Variants in MGAT5 observed in about 807,000 individuals in gnomAD.
The protein encoded by MGAT5 is alpha-1,6-mannosylglycoprotein 6-beta-N-acetylglucosaminyltransferase.
MGAT5 carries 30 observed loss-of-function variants against 94.3 expected under a neutral mutation model. That is an observed-to-expected ratio of 0.32 (90% CI 0.24 to 0.43). The LOEUF (loss-of-function observed/expected upper bound fraction) is 0.43, where lower values mean the gene tolerates loss of function less well. MGAT5 is among the 20% of genes least tolerant of loss of function. MGAT5 has a pLI of 1.00. For synonymous variants in MGAT5, 310 were observed against 322.9 expected (o/e 0.96, Z 0.43); for missense variants, 691 against 905.5 (o/e 0.76, Z 3.04).
At chr2:134,189,121 T>C (rs1220102304) in intron 1 of MGAT5, among the ~76,000 whole-genome samples, 1 of 152,184 alleles carries the variant, frequency 6.6e-6, no homozygotes, top group African/African-American at 2.4e-5. Flanking sequence ...CCAGTTTCTA[T>C]TGGGGTTTCG....
chr2:134,394,162 C>T (rs1254010757), intron 10 of MGAT5, among the ~76,000 whole-genome samples: 1 of 152,160 alleles, frequency 6.6e-6, no homozygotes, highest in Admixed American at 6.5e-5. Flanking sequence ...CCCATTGGAG[C>T]TGCCAAATGT....
At chr2:134,328,024 A>G (rs1445669015) in intron 4 of MGAT5, among the ~76,000 whole-genome samples, 4 of 152,096 alleles carry the variant, frequency 2.6e-5, no homozygotes, top group African/African-American at 2.4e-5. Context: ...GTTGCTATAG[A>G]AAGTATCTCT....
intron 1 of MGAT5, among the ~76,000 whole-genome samples, chr2:134,169,319 C>T (rs1271795933): frequency 6.6e-6 from 1 of 151,856 alleles, no homozygotes; most frequent in Non-Finnish European, 1.5e-5. Context: ...GCAGGAGGCT[C>T]ACTTGAGCTT....
intron 12 of MGAT5, among the ~76,000 whole-genome samples, chr2:134,418,668 A>G (rs1361051592): frequency 6.6e-6 from 1 of 152,202 alleles, no homozygotes; most frequent in African/African-American, 2.4e-5. Context: ...GTGAACTTGG[A>G]GTTGTGCTGG....
chr2:134,314,423 C>T (rs1686878928), intron 2 of MGAT5, among the ~76,000 whole-genome samples: 2 of 152,190 alleles, frequency 1.3e-5, no homozygotes. Flanking sequence ...GCCCAGGAGT[C>T]AGGCCCGTTG....
In MGAT5 at chr2:134,235,957, G is replaced by A. The variant is rs79910985; in HGVS notation, c.-142-18305G>A. Among the ~76,000 whole-genome samples the A allele has an allele frequency of 5.1e-3, 779 of 152,100 alleles. 25 individuals are homozygous for A. In the East Asian group the frequency reaches 0.11, roughly 22 times the overall value. On this transcript the variant is annotated intron_variant, in intron 1 of 16. Coordinates refer to the MGAT5 transcript ENST00000409645. ...TTGCTCCCCCTCCCCTTCCTACCAC[G>A]ATCACATTCTAGGCTGTGAGTGTCA...
chr2:134,256,602 T>A (rs1467791001), intron 1 of MGAT5, among the ~76,000 whole-genome samples: 1 of 152,204 alleles, frequency 6.6e-6, no homozygotes, highest in Non-Finnish European at 1.5e-5. Flanking sequence ...TGGTCTTAGC[T>A]TTTCAGCCTC....
At chr2:134,327,773 G>T (rs1374190756) in intron 4 of MGAT5, among the ~76,000 whole-genome samples, 2 of 152,134 alleles carry the variant, frequency 1.3e-5, no homozygotes, top group Non-Finnish European at 2.9e-5. Flanking sequence ...GGCTCAGATA[G>T]ACTGTTAGAA....
intron 10 of MGAT5, among the ~76,000 whole-genome samples, chr2:134,397,186 A>T (rs1323916762): frequency 1.3e-5 from 2 of 152,210 alleles, no homozygotes; most frequent in Non-Finnish European, 2.9e-5. Context: ...GAGTTTTGGA[A>T]CCTAGTGACA....
chr2:134,160,612 A>G (rs116215357), intron 1 of MGAT5, among the ~76,000 whole-genome samples: 3 of 152,224 alleles, frequency 2.0e-5, no homozygotes, highest in Non-Finnish European at 2.9e-5. Flanking sequence ...CCACCAGAAC[A>G]TGATGCTGGT....
In MGAT5 at chr2:134,254,513, G is replaced by A. The variant is rs548835362; in HGVS notation, c.110G>A (p.Arg37Gln). ...MMLLHFTIQQ[R>Q]TQPESSSMLR... is the part of the protein sequence containing the mutation. ...CTTCTGCACTTTACCATCCAGCAGC[G>A]AACTCAGCCTGAAAGCAGCTCCATG... The change falls in exon 1 of 16, where the codon CGA becomes CAA. Residue 37 changes from arginine (R) to glutamine (Q), a missense_variant. Physicochemically the swap from Arg to Gln is conservative, Grantham distance 43. Transcript: ENST00000281923. 6.2e-6 allele frequency: 10 copies of A among 1,614,160 alleles called. No individual in the cohort carries two copies. The highest frequency in any genetic ancestry group is 5.0e-5 in the Admixed American group (3 of 60,024).
chr2:134,268,070 A>G lies in MGAT5; in HGVS notation c.242-2316A>G, dbSNP rs1269013969. Among the ~76,000 whole-genome samples, 5 of 152,190 alleles carry G rather than the reference A, an allele frequency of 3.3e-5. No individual in the cohort carries two copies. The highest frequency in any genetic ancestry group is 7.3e-5 in the Non-Finnish European group (5 of 68,032). On this transcript the variant is annotated intron_variant, in intron 1 of 15. Transcript: ENST00000281923. The surrounding 1 kb of genome is among the most constrained non-coding windows in gnomAD (Gnocchi z 4.1). ...CCACACCTGGATAATTGCTGTTGTC[A>G]TTCAGGGAGTAGAGACCAGGGATGC...
chr2:134,279,386 A>T (rs1684563528), intron 2 of MGAT5, among the ~76,000 whole-genome samples: 1 of 152,036 alleles, frequency 6.6e-6, no homozygotes, highest in Non-Finnish European at 1.5e-5. Flanking sequence ...GCTAATTATA[A>T]ACCTGTAAGT....
intron 1 of MGAT5, among the ~76,000 whole-genome samples, chr2:134,160,852 C>T (rs745748147): frequency 1.2e-4 from 19 of 152,204 alleles, no homozygotes; most frequent in Non-Finnish European, 1.9e-4. Flanking sequence ...TGCAGTTCTT[C>T]GGAAGCATCT....
chr2:134,154,968 A>T (rs1011524240), intron 1 of MGAT5, among the ~76,000 whole-genome samples: 1 of 152,120 alleles, frequency 6.6e-6, no homozygotes, highest in African/African-American at 2.4e-5. Flanking sequence ...AGACTTTTTC[A>T]TCAATGCTAA....
intron 1 of MGAT5, among the ~76,000 whole-genome samples, chr2:134,232,435 G>T (rs182728260): frequency 1.5e-4 from 23 of 152,238 alleles, no homozygotes; most frequent in South Asian, 6.2e-4. Context: ...ATCCTATTCT[G>T]GACCCATTAG....
intron 1 of MGAT5, among the ~76,000 whole-genome samples, chr2:134,240,675 A>G (rs903882770): frequency 1.3e-5 from 2 of 152,348 alleles, no homozygotes; most frequent in East Asian, 1.9e-4. Context: ...GATTTTCCTC[A>G]TGCTATTTTC....
At chr2:134,120,640 G>C (rs1456591331) in intron 1 of MGAT5, among the ~76,000 whole-genome samples, 2 of 151,974 alleles carry the variant, frequency 1.3e-5, no homozygotes, top group South Asian at 2.1e-4. Context: ...CTGGTTGCGC[G>C]GGCTGGAGGC....
intron 1 of MGAT5, among the ~76,000 whole-genome samples, chr2:134,246,642 T>C (rs1682282116): frequency 6.6e-6 from 1 of 152,258 alleles, no homozygotes; most frequent in South Asian, 2.1e-4. Flanking sequence ...GGCTTCTTAA[T>C]AGTACTGGAC....
Sources: allele counts gnomAD v4.1 joint callset (sites outside exome capture counted in the v4.1 genomes callset), GRCh38; gene constraint gnomAD v4.1.1; non-coding constraint Gnocchi (gnomAD v3.1); transcripts MANE v1.5; gene names NCBI Gene and HGNC (gene_info 2026-07-23, HGNC 2026-07-21).